Variants in KIRREL3 observed in about 807,000 individuals in gnomAD.
The protein encoded by KIRREL3 is kirre like nephrin family adhesion molecule 3, also known as kin of IRRE-like protein 3.
KIRREL3 carries 36 observed loss-of-function variants against 89.7 expected under a neutral mutation model. The observed-to-expected ratio is 0.40, with a 90% CI of 0.31 to 0.53. KIRREL3 has a LOEUF of 0.53. Among genes scored for constraint, KIRREL3 ranks in the 20% least tolerant of loss-of-function variants. The pLI is 0.49. For synonymous variants in KIRREL3, 445 were observed against 441.4 expected (o/e 1.01, Z -0.10); for missense variants, 864 against 1,056.6 (o/e 0.82, Z 2.53).
rs886069362 is a variant in KIRREL3 at position 126,528,127 on chromosome 11, C to G, written c.134-1440G>C. Among the ~76,000 whole-genome samples, 1 of 152,218 alleles carries G rather than the reference C, an allele frequency of 6.6e-6. No homozygotes were observed. Among genetic ancestry groups the G allele is most frequent in the Admixed American group, 6.5e-5 (1 of 15,286 alleles). ...AGGGGTTTGAGCAGGGGCCCATCTG[C>G]ATTCCAAGCCCTCCCTTTTTCCTAC... On this transcript the variant is annotated intron_variant, in intron 2 of 16. Transcript: ENST00000525144. The surrounding 1 kb of genome is among the most constrained non-coding windows in gnomAD (Gnocchi z 4.6).
rs748101439 is a variant in KIRREL3 at position 126,610,279 on chromosome 11, T to C, written c.56-47367A>G. On this transcript the variant is annotated intron_variant, in intron 1 of 16. Transcript: ENST00000525144. This position sits in a 1 kb window ranked among gnomAD's most constrained non-coding sequence, Gnocchi z 4.6. ...CTAATTTTTGTATTTTTAATAGAGA[T>C]GGGGGTTTCGGCATGTTCGTCAGGC... 2.0e-5 allele frequency among the ~76,000 whole-genome samples: 3 copies of C among 152,090 alleles called. No individual in the cohort carries two copies. The highest frequency in any genetic ancestry group is 4.8e-5 in the African/African-American group (2 of 41,414).
intron 1 of KIRREL3, among the ~76,000 whole-genome samples, chr11:126,690,259 C>T (rs1054881150): frequency 4.6e-5 from 7 of 152,280 alleles, no homozygotes; most frequent in African/African-American, 1.7e-4. Flanking sequence ...CTGTATTCTC[C>T]ATCAGAAACC....
chr11:126,724,444 G>T lies in KIRREL3; in HGVS notation c.56-161532C>A, dbSNP rs1036489430. On this transcript the variant is annotated intron_variant, in intron 1 of 16. Coordinates refer to ENST00000525144, the MANE Select transcript of KIRREL3 (RefSeq NM_032531.4). This position sits in a 1 kb window ranked among gnomAD's most constrained non-coding sequence, Gnocchi z 4.3. ...TGCAGAGTGAGTGAGCCAGCAGATG[G>T]ACACCCTGGAGGTTCGGAGCCATGT... Among the ~76,000 whole-genome samples the T allele has an allele frequency of 2.0e-5, 3 of 152,174 alleles. No individual in the cohort carries two copies. The highest frequency in any genetic ancestry group is 4.4e-5 in the Non-Finnish European group (3 of 68,042).
At position 126,747,917 on chromosome 11, in the gene KIRREL3, C is replaced by T. The variant is rs921401113; in HGVS notation, c.56-185005G>A. Among the ~76,000 whole-genome samples, 2 of 152,138 alleles carry T rather than the reference C, an allele frequency of 1.3e-5. No individual in the cohort carries two copies. The highest frequency in any genetic ancestry group is 6.5e-5 in the Admixed American group (1 of 15,274). On this transcript the variant is annotated intron_variant, in intron 1 of 16. Transcript: ENST00000525144. This position sits in a 1 kb window ranked among gnomAD's most constrained non-coding sequence, Gnocchi z 4.7. Reference sequence around the variant, plus strand: ...TCCAGACAGGCGTTGCGGTCTTTCCCTATCCCACAGGGTCTAGATGCGGCC... The same window carrying T: ...TCCAGACAGGCGTTGCGGTCTTTCCTTATCCCACAGGGTCTAGATGCGGCC...
At chr11:126,472,028 G>A (rs1956909811) in intron 5 of KIRREL3, among the ~76,000 whole-genome samples, 1 of 152,148 alleles carries the variant, frequency 6.6e-6, no homozygotes, top group Non-Finnish European at 1.5e-5. Context: ...GGAGATGGTG[G>A]AGCCTAAACG....
chr11:126,521,370 C>T lies in KIRREL3; in HGVS notation c.378G>A (p.Glu126=). Residue 126 remains glutamate (E), a synonymous_variant, in exon 4 of 17, where the codon GAG becomes GAA. Transcript: ENST00000525144. This position sits in a 1 kb window ranked among gnomAD's most constrained non-coding sequence, Gnocchi z 4.1. Reference sequence around the variant, plus strand: ...GGATGGCGGCCTGGATGGCCTGGCACTCGTACACCGCATCGTCTTGCAGCT... The same window carrying T: ...GGATGGCGGCCTGGATGGCCTGGCATTCGTACACCGCATCGTCTTGCAGCT... The part of the protein sequence containing the change: ...RAELQDDAVY[E]CQAIQAAIRS... 6.4e-7 allele frequency: 1 copy of T among 1,558,660 alleles called. No homozygotes were observed. Among genetic ancestry groups the T allele is most frequent in the South Asian group, 1.2e-5 (1 of 84,458 alleles).
Position 126,498,099 on chromosome 11 carries a change from A to T in KIRREL3, c.433+23216T>A, listed in dbSNP as rs191263264. 2.6e-5 allele frequency among the ~76,000 whole-genome samples: 4 copies of T among 152,314 alleles called. No individual in the cohort carries two copies. In the East Asian group the frequency reaches 7.7e-4, roughly 29 times the overall value. On this transcript the variant is annotated intron_variant, in intron 4 of 16. Transcript: ENST00000525144. The surrounding 1 kb of genome is among the most constrained non-coding windows in gnomAD (Gnocchi z 4.3). Reference sequence around the variant, plus strand: ...ACTTGCCCCAAATCACACAGCCAGTAAGCCTGCTTAGTAGCTCTACTGCAT... The same window carrying T: ...ACTTGCCCCAAATCACACAGCCAGTTAGCCTGCTTAGTAGCTCTACTGCAT...
intron 9 of KIRREL3, among the ~76,000 whole-genome samples, chr11:126,445,622 C>T (rs1030450038): frequency 7.9e-5 from 12 of 152,192 alleles, no homozygotes; most frequent in Admixed American, 4.6e-4. Context: ...GTTCGAATCC[C>T]GGCTCCAGCA....
At chr11:126,934,036 G>A (rs1368485851) in intron 1 of KIRREL3, among the ~76,000 whole-genome samples, 1 of 150,500 alleles carries the variant, frequency 6.6e-6, no homozygotes, top group East Asian at 1.9e-4. Flanking sequence ...CAAAGTTGGA[G>A]CATTTAAATT....
At chr11:126,988,157 G>A (rs552742327) in intron 1 of KIRREL3, among the ~76,000 whole-genome samples, 1 of 152,244 alleles carries the variant, frequency 6.6e-6, no homozygotes, top group African/African-American at 2.4e-5. Context: ...CTCTCCCTAA[G>A]CAGAATGGGA....
At chr11:126,836,883 T>G (rs1312159495) in intron 1 of KIRREL3, among the ~76,000 whole-genome samples, 1 of 152,196 alleles carries the variant, frequency 6.6e-6, no homozygotes, top group African/African-American at 2.4e-5. Context: ...GCTGTAGCTC[T>G]TCTTACAGAA....
intron 1 of KIRREL3, among the ~76,000 whole-genome samples, chr11:126,816,173 T>C (rs1421538112): frequency 6.6e-6 from 1 of 152,210 alleles, no homozygotes; most frequent in East Asian, 1.9e-4. Flanking sequence ...AAAGAGTTAG[T>C]TTTGTATAAA....
rs1249509309 is a variant in KIRREL3 at position 126,782,552 on chromosome 11, T to C, written c.55+217903A>G. Among the ~76,000 whole-genome samples, 1 of 152,106 alleles carries C rather than the reference T, an allele frequency of 6.6e-6. No homozygotes were observed. The highest frequency in any genetic ancestry group is 1.5e-5 in the Non-Finnish European group (1 of 68,036). On this transcript the variant is annotated intron_variant, in intron 1 of 16. Coordinates refer to ENST00000525144, the MANE Select transcript of KIRREL3 (RefSeq NM_032531.4). This position sits in a 1 kb window ranked among gnomAD's most constrained non-coding sequence, Gnocchi z 4.1. ...TAATTCAGAAAAGAAATTCGTAGGT[T>C]TACAATTCTATATGCTGTACATGTG...
At chr11:126,727,869 A>G (rs1381226694) in intron 1 of KIRREL3, among the ~76,000 whole-genome samples, 3 of 152,120 alleles carry the variant, frequency 2.0e-5, no homozygotes, top group Non-Finnish European at 4.4e-5. Context: ...TGGGAGAGAC[A>G]TCTGCAGGCA....
At chr11:126,819,384 T>C (rs958396722) in intron 1 of KIRREL3, among the ~76,000 whole-genome samples, 1 of 152,198 alleles carries the variant, frequency 6.6e-6, no homozygotes, top group African/African-American at 2.4e-5. Context: ...TCTGCCCTGC[T>C]TGTCAAGACA....
rs1198782894 is a variant in KIRREL3, at chr11:126,523,270, A to G, written c.284-1806T>C. On this transcript the variant is annotated intron_variant, in intron 3 of 16. Transcript: ENST00000525144. The surrounding 1 kb of genome is among the most constrained non-coding windows in gnomAD (Gnocchi z 4.9). ...GCAGAGGTGATTTCTACACCGGGTG[A>G]AAGATCAGACTAGAGGAGCTTGAAG... 6.6e-6 allele frequency among the ~76,000 whole-genome samples: 1 copy of G among 152,110 alleles called. No homozygotes were observed. Among genetic ancestry groups the G allele is most frequent in the Non-Finnish European group, 1.5e-5 (1 of 68,016 alleles).
chr11:126,697,261 G>C lies in KIRREL3; in HGVS notation c.56-134349C>G, dbSNP rs201246349. On this transcript the variant is annotated intron_variant, in intron 1 of 16. Transcript: ENST00000525144. The surrounding 1 kb of genome is among the most constrained non-coding windows in gnomAD (Gnocchi z 4.2). The stretch of plus-strand genomic sequence containing the variant: ...GGAGATGACAGGACTACAAGAAGGC[G>C]GGACTTCCTCTATTGCCCTAGGCCC... Among the ~76,000 whole-genome samples the C allele has an allele frequency of 6.6e-6, 1 of 152,224 alleles. No individual in the cohort carries two copies. The highest frequency in any genetic ancestry group is 1.5e-5 in the Non-Finnish European group (1 of 68,040).
intron 1 of KIRREL3, among the ~76,000 whole-genome samples, chr11:126,572,160 TAGA>T (rs1940982081): frequency 6.6e-6 from 1 of 152,154 alleles, no homozygotes; most frequent in East Asian, 1.9e-4. Flanking sequence ...TCCTTATTTC[TAGA>T]AGGACCAAGA....
rs111791673 is a variant in KIRREL3 at position 126,522,830 on chromosome 11, C to T, written c.284-1366G>A. Among the ~76,000 whole-genome samples, 17 of 152,330 alleles carry T rather than the reference C, an allele frequency of 1.1e-4. 2 individuals are homozygous for T. The highest frequency in any genetic ancestry group is 3.1e-4 in the African/African-American group (13 of 41,576). On this transcript the variant is annotated intron_variant, in intron 3 of 16. Coordinates refer to ENST00000525144, the MANE Select transcript of KIRREL3 (RefSeq NM_032531.4). This position sits in a 1 kb window ranked among gnomAD's most constrained non-coding sequence, Gnocchi z 6.0. ...CCCTTCTCTCCTCAGAGGCTGCCCT[C>T]GGCTTCCACTCCCCTCTGGCAGCCC...
Sources: gnomAD v4.1 joint callset for allele counts (sites outside exome capture counted in the v4.1 genomes callset) on GRCh38, gnomAD v4.1.1 for gene constraint, Gnocchi (gnomAD v3.1) non-coding constraint, MANE v1.5 for transcripts, NCBI Gene and HGNC (gene_info 2026-07-23, HGNC 2026-07-21) for gene names.